MYH1: variants seen among roughly 807,000 people sequenced by gnomAD.
The protein encoded by MYH1 is myosin heavy chain 1, also known as myosin-1.
In MYH1, 214 loss-of-function variants were observed where a neutral mutation model predicts 225.6. The ratio of observed to expected loss-of-function variants is 0.95; its 90% CI spans 0.85 to 1.06. The LOEUF (loss-of-function observed/expected upper bound fraction) is 1.06, where lower values mean the gene tolerates loss of function less well. Ranked by LOEUF, MYH1 falls within the 50% of genes least tolerant of loss-of-function variation. The pLI, the probability that MYH1 is intolerant of heterozygous loss-of-function variation, is 0.00. For synonymous variants in MYH1, 774 were observed against 842.3 expected (o/e 0.92, Z 1.40); for missense variants, 2,098 against 2,344.2 (o/e 0.89, Z 2.17).
In MYH1 at chr17:10,492,573, G is replaced by A. The variant is rs946126848; in HGVS notation, c.5668-5C>T. The A allele has an allele frequency of 6.2e-6, 10 of 1,605,546 alleles. No homozygotes were observed. The highest frequency in any genetic ancestry group is 2.2e-5 in the East Asian group (1 of 44,634). The stretch of plus-strand genomic sequence containing the variant: ...GTTGACGTTGGATTGTTCCTCCTGT[G>A]AATGGAAATCCATTTATGAGGGAAG... On this transcript the variant is annotated splice_region_variant and splice_polypyrimidine_tract_variant and intron_variant, in intron 39 of 39. Coordinates refer to ENST00000226207, the MANE Select transcript of MYH1 (RefSeq NM_005963.4).
At chr17:10,505,672 T>G in intron 19 of MYH1, 140 bp downstream of exon 19, 1 of 1,375,826 alleles carries the variant, frequency 7.3e-7, no homozygotes, top group East Asian at 2.5e-5. Flanking sequence ...CTTCAGAGTT[T>G]TCTTATGTCA....
Position 10,513,881 on chromosome 17 carries a change from G to C in MYH1, c.681C>G (p.Asn227Lys). The C allele has an allele frequency of 6.2e-7, 1 of 1,614,146 alleles. No homozygotes were observed. The highest frequency in any genetic ancestry group is 8.5e-7 in the Non-Finnish European group (1 of 1,180,000). ...GTLEDQIISA[N>K]PLLEAFGNAK... ...CGTTGCCAAAGGCCTCCAGTAGGGG[G>C]TTGGCACTGATGATTTGATCTTCCA... The change falls in exon 8 of 40, where the codon AAC becomes AAG. Residue 227 changes from asparagine to lysine, a missense_variant. Asn to Lys is a moderately conservative substitution (Grantham distance 94, BLOSUM62 0). Transcript: ENST00000226207.
At position 10,515,979 on chromosome 17, in the gene MYH1, G is replaced by A. The variant is rs767731312; in HGVS notation, c.452C>T (p.Ala151Val). Residue 151 changes from alanine (A) to valine (V), a missense_variant, in exon 5 of 40, where the codon GCC becomes GTC. Ala to Val is a moderately conservative substitution (Grantham distance 64, BLOSUM62 0). Coordinates refer to ENST00000226207, the MANE Select transcript of MYH1 (RefSeq NM_005963.4). ...TAYRGKKRQE[A>V]PPHIFSISDN... ...AGAGATGGAGAAGATGTGGGGTGGG[G>A]CCTCCTGGCGCTTTTTGCCTCGGTA... is the stretch of plus-strand genomic sequence containing the variant. The A allele has an allele frequency of 3.1e-6, 5 of 1,614,178 alleles. No homozygotes were observed. Among genetic ancestry groups the A allele is most frequent in the Non-Finnish European group, 4.2e-6 (5 of 1,180,030 alleles).
rs1008000762 is a variant in MYH1 at position 10,518,255 on chromosome 17, T to C, written c.-56A>G. 6.6e-6 allele frequency: 1 copy of C among 151,956 alleles called. No individual in the cohort carries two copies. Among genetic ancestry groups the C allele is most frequent in the African/African-American group, 2.4e-5 (1 of 41,346 alleles). The allele number at this position is 151,956 out of a possible 1,614,324, so 9.4% of individuals were successfully genotyped here. A position where few individuals can be genotyped will look rare whatever the true frequency, so the allele number is the denominator to read the frequency against. ...AGAATCTTACCGTAGAGATGCGACC[T>C]TAAAGTGGATCAGAACTGTAAGAAA... On this transcript the variant is annotated 5_prime_UTR_variant, in exon 2 of 40. Transcript: ENST00000226207.
intron 14 of MYH1, 106 bp downstream of exon 14, chr17:10,511,733 A>G (rs771969259): frequency 1.2e-4 from 191 of 1,565,996 alleles, no homozygotes; most frequent in Middle Eastern, 2.3e-4. Flanking sequence ...AAGTGCAGCT[A>G]TTTTTCATAG....
chr17:10,497,540 T>G, intron 31 of MYH1, 88 bp from the exon 32 acceptor site: 1 of 1,518,522 alleles, frequency 6.6e-7, no homozygotes, highest in South Asian at 1.3e-5. Flanking sequence ...AGAGTTGAGG[T>G]GTTCTGGGAC....
intron 1 of MYH1, 31 bp downstream of exon 1, chr17:10,518,489 C>T (rs934859601): frequency 2.6e-5 from 4 of 152,200 alleles, no homozygotes; most frequent in African/African-American, 9.7e-5. Context: ...TACCGTCCTC[C>T]AGACAGAGCC....
In MYH1 at chr17:10,496,518, A is replaced by G. The variant is rs2072996414; in HGVS notation, c.4688T>C (p.Leu1563Pro). 1 of 1,614,034 alleles carries G rather than the reference A, an allele frequency of 6.2e-7. No homozygotes were observed. ...ASLEHEEGKI[L>P]RIQLELNQVK... The stretch of plus-strand genomic sequence containing the variant: ...TTGGTTCAACTCAAGCTGGATGCGC[A>G]GGATCTTTCCCTCTTCATGTTCAAG... Residue 1563 changes from leucine to proline, a missense_variant, in exon 34 of 40, where the codon CTG (leucine) becomes CCG (proline). Transcript: ENST00000226207.
rs1234384748 is a variant in MYH1, at chr17:10,503,947, C to T, written c.2692-699G>A. Among the ~76,000 whole-genome samples, 3 of 152,278 alleles carry T rather than the reference C, an allele frequency of 2.0e-5. No homozygotes were observed. In the East Asian group the frequency reaches 5.8e-4, roughly 29 times the overall value. On this transcript the variant is annotated intron_variant, in intron 22 of 39. Transcript: ENST00000226207. The stretch of plus-strand genomic sequence containing the variant: ...TGAACCACTCCTCAATGTGGAAAAC[C>T]CTGATCTATACAAAGTACAGGAAAG...
rs144786039 is a variant in MYH1, at chr17:10,503,135, C to G, written c.2805G>C (p.Glu935Asp). The part of the protein sequence containing the change: ...EVTERAEDEE[E>D]INAELTAKKR... ...TCTTGGCTGTCAGCTCAGCATTGAT[C>G]TCTTCCTCATCCTCAGCTCTCTCAG... Residue 935 changes from glutamate to aspartate, a missense_variant, in exon 23 of 40, where the codon GAG becomes GAC. By Grantham distance (45) the Glu-to-Asp change is conservative. Transcript: ENST00000226207. The G allele has an allele frequency of 2.1e-4, 336 of 1,613,682 alleles. No homozygotes were observed. The highest frequency in any genetic ancestry group is 6.7e-4 in the Admixed American group (40 of 59,988).
At chr17:10,517,601 A>G (rs2073241395) in intron 2 of MYH1, among the ~76,000 whole-genome samples, 1 of 152,148 alleles carries the variant, frequency 6.6e-6, no homozygotes, top group Admixed American at 6.5e-5. Flanking sequence ...GCTCATTTGG[A>G]TACATTTCTC....
intron 37 of MYH1, 112 bp downstream of exon 37, chr17:10,494,819 G>A: frequency 6.3e-7 from 1 of 1,597,292 alleles, no homozygotes; most frequent in Non-Finnish European, 8.5e-7. Context: ...GGGCATGAGG[G>A]AATAGCTCTC....
intron 9 of MYH1, among the ~76,000 whole-genome samples, chr17:10,513,238 T>G (rs1340594431): frequency 1.3e-5 from 2 of 152,200 alleles, no homozygotes; most frequent in African/African-American, 4.8e-5. Flanking sequence ...AGACTCCCTC[T>G]GCAGGGTCCT....
At chr17:10,510,160 A>T (rs562490455) in intron 14 of MYH1, among the ~76,000 whole-genome samples, 184 of 151,956 alleles carry the variant, frequency 1.2e-3, no homozygotes, top group African/African-American at 3.5e-3. Context: ...TTTTTTTTTT[A>T]AAAGTTGTTT....
Position 10,500,625 on chromosome 17 carries a change from C to T in MYH1, c.3865+1G>A. 1 of 1,613,100 alleles carries T rather than the reference C, an allele frequency of 6.2e-7. No homozygotes were observed. The highest frequency in any genetic ancestry group is 1.1e-5 in the South Asian group (1 of 91,006). On this transcript the variant is annotated splice_donor_variant, in intron 28 of 39. Coordinates refer to ENST00000226207, the MANE Select transcript of MYH1 (RefSeq NM_005963.4). LOFTEE classifies it high-confidence loss of function. ...AAGGTCAGTACTGGTACATGGCCCACCTGATTCTGTTTGCAGGCGCGCTCT... is the reference window on the plus strand; with the variant it reads ...AAGGTCAGTACTGGTACATGGCCCATCTGATTCTGTTTGCAGGCGCGCTCT...
At position 10,492,543 on chromosome 17, in the gene MYH1, G is replaced by A; in HGVS notation, c.5693C>T (p.Ser1898Phe). The change falls in exon 40 of 40, where the codon TCC (serine) becomes TTC (phenylalanine). Residue 1898 changes from serine (S) to phenylalanine (F), a missense_variant. Ser to Phe is a radical substitution (Grantham distance 155). Transcript: ENST00000226207. ...CTCGTGCTGGATCCTGCGGAATTTG[G>A]AGAGGTTGACGTTGGATTGTTCCTC... The part of the protein sequence containing the change: ...EAEEQSNVNL[S>F]KFRRIQHELE... The A allele has an allele frequency of 6.2e-7, 1 of 1,613,916 alleles. No individual in the cohort carries two copies. Among genetic ancestry groups the A allele is most frequent in the Non-Finnish European group, 8.5e-7 (1 of 1,179,954 alleles).
Position 10,505,797 on chromosome 17 carries a change from G to A in MYH1, c.2174+15C>T. On this transcript the variant is annotated intron_variant, in intron 19 of 39. Coordinates refer to ENST00000226207, the MANE Select transcript of MYH1 (RefSeq NM_005963.4). The stretch of plus-strand genomic sequence containing the variant: ...TAAAAACCTCTTAAAATAATTTACA[G>A]CAAAAATGTCTGACCTCTGTTTGAA... 3 of 1,613,362 alleles carry A rather than the reference G, an allele frequency of 1.9e-6. No homozygotes were observed. The highest frequency in any genetic ancestry group is 2.5e-6 in the Non-Finnish European group (3 of 1,179,710).
In MYH1 at chr17:10,502,230, C is replaced by A. The variant is rs138252874; in HGVS notation, c.3112-319G>T. Among the ~76,000 whole-genome samples, 103 of 152,286 alleles carry A rather than the reference C, an allele frequency of 6.8e-4. 1 individual carries two copies. In the East Asian group the frequency reaches 8.5e-3, roughly 13 times the overall value. On this transcript the variant is annotated intron_variant, in intron 24 of 39. Coordinates refer to ENST00000226207, the MANE Select transcript of MYH1 (RefSeq NM_005963.4). The stretch of plus-strand genomic sequence containing the variant: ...ACTTCCAAACCATGAACTTTTTTAA[C>A]GCCTCCCTTACTCAGGCATTTTCAG...
At chr17:10,504,665 G>T in intron 22 of MYH1, 145 bp downstream of exon 22, 2 of 969,544 alleles carry the variant, frequency 2.1e-6, no homozygotes, top group Non-Finnish European at 3.0e-6. Flanking sequence ...ATTGTATAGG[G>T]AATTCTATAG....
Sources: allele counts gnomAD v4.1 joint callset (sites outside exome capture counted in the v4.1 genomes callset), GRCh38; gene constraint gnomAD v4.1.1; transcripts MANE v1.5; gene names NCBI Gene and HGNC (gene_info 2026-07-23, HGNC 2026-07-21).